The following PTPRM variants were observed in gnomAD, a reference collection of about 807,000 sequenced individuals.
PTPRM encodes the protein protein tyrosine phosphatase receptor type M.
In PTPRM, 47 loss-of-function variants were observed where a neutral mutation model predicts 186.7. The ratio of observed to expected loss-of-function variants is 0.25; its 90% confidence interval spans 0.20 to 0.32. The LOEUF is 0.32. Among genes scored for constraint, PTPRM ranks in the 10% least tolerant of loss-of-function variants. The pLI is 1.00. For missense variants in PTPRM, 1,494 were observed against 1,865.0 expected (o/e 0.80, Z 3.66); for synonymous variants, 668 against 674.9 (o/e 0.99, Z 0.16).
At chr18:8,278,837 G>C (rs945995718) in intron 19 of PTPRM, among the ~76,000 whole-genome samples, 2 of 152,088 alleles carry the variant, frequency 1.3e-5, no homozygotes, top group African/African-American at 4.8e-5. Flanking sequence ...TTGTTGTCTT[G>C]ACTTGTTTTT....
intron 9 of PTPRM, among the ~76,000 whole-genome samples, chr18:8,082,495 C>T (rs1159102729): frequency 6.8e-6 from 1 of 146,618 alleles, no homozygotes; most frequent in Non-Finnish European, 1.5e-5. Context: ...CCTTTTCTCC[C>T]TCCTTCTCTC....
At chr18:8,319,136 C>T (rs780142601) in intron 21 of PTPRM, 42 bp from the exon 22 acceptor site, 10 of 1,351,326 alleles carry the variant, frequency 7.4e-6, no homozygotes, top group African/African-American at 1.5e-5. Context: ...TGCTGTTTAT[C>T]GATTTTATGT....
At chr18:7,935,755 G>A (rs10153443) in intron 5 of PTPRM, among the ~76,000 whole-genome samples, 24,223 of 152,094 alleles carry the variant, frequency 0.16, 2,127 homozygotes, top group Non-Finnish European at 0.19. Context: ...GTGTACAAGT[G>A]GTTTTGTCAC....
intron 13 of PTPRM, among the ~76,000 whole-genome samples, chr18:8,132,869 G>C (rs1568395586): frequency 6.6e-6 from 1 of 152,102 alleles, no homozygotes; most frequent in Non-Finnish European, 1.5e-5. Flanking sequence ...TATCATTGAT[G>C]AAAGTTTGGC....
intron 7 of PTPRM, among the ~76,000 whole-genome samples, chr18:8,001,903 C>T (rs1599977237): frequency 1.3e-5 from 2 of 152,320 alleles, no homozygotes; most frequent in South Asian, 2.1e-4. Flanking sequence ...TCTAGCACAA[C>T]ATTCACTGTC....
intron 7 of PTPRM, among the ~76,000 whole-genome samples, chr18:8,035,618 G>T (rs982990907): frequency 5.3e-5 from 8 of 151,374 alleles, no homozygotes; most frequent in African/African-American, 9.8e-5. Flanking sequence ...GGTTGAATCC[G>T]CAGATGCAGA....
chr18:7,998,655 AT>A (rs952987341), intron 7 of PTPRM, among the ~76,000 whole-genome samples: 214 of 151,658 alleles, frequency 1.4e-3, no homozygotes, highest in African/African-American at 4.9e-3. Context: ...TTTATACAAC[AT>A]TTTTTTTTAT....
At chr18:8,125,241 T>G (rs2092302452) in intron 13 of PTPRM, among the ~76,000 whole-genome samples, 2 of 151,682 alleles carry the variant, frequency 1.3e-5, no homozygotes, top group South Asian at 4.2e-4. Context: ...CATAAATATT[T>G]CTTGACTGAG....
chr18:8,391,522 A>G (rs2095812573), intron 31 of PTPRM, among the ~76,000 whole-genome samples: 1 of 152,204 alleles, frequency 6.6e-6, no homozygotes, highest in Admixed American at 6.5e-5. Context: ...ATTTACACAA[A>G]GCTGAAAAAC....
intron 23 of PTPRM, among the ~76,000 whole-genome samples, chr18:8,362,994 C>T (rs933333127): frequency 1.3e-5 from 2 of 152,186 alleles, no homozygotes; most frequent in African/African-American, 4.8e-5. Context: ...ACACATCTGT[C>T]TCTTAGTGAC....
intron 2 of PTPRM, among the ~76,000 whole-genome samples, chr18:7,774,832 T>C (rs9949027): frequency 0.18 from 28,064 of 152,168 alleles, 6,590 homozygotes; most frequent in African/African-American, 0.56. Context: ...AAAAAGAATT[T>C]TACTTCTTGT....
intron 7 of PTPRM, among the ~76,000 whole-genome samples, chr18:8,037,762 G>A (rs1228927854): frequency 6.6e-6 from 1 of 151,996 alleles, no homozygotes; most frequent in Non-Finnish European, 1.5e-5. Context: ...TTGGGTGGTA[G>A]AACTCTGCTA....
chr18:8,140,281 C>T (rs948485352), intron 13 of PTPRM, among the ~76,000 whole-genome samples: 4 of 152,046 alleles, frequency 2.6e-5, no homozygotes, highest in African/African-American at 9.7e-5. Flanking sequence ...CAAAATTGGG[C>T]CCAGACCTCA....
chr18:7,713,233 G>T (rs2040249997), intron 1 of PTPRM, among the ~76,000 whole-genome samples: 1 of 152,114 alleles, frequency 6.6e-6, no homozygotes, highest in African/African-American at 2.4e-5. Flanking sequence ...CTTAAGAAAA[G>T]AATTTTCAAC....
chr18:7,917,556 T>C (rs887136774), intron 4 of PTPRM, among the ~76,000 whole-genome samples: 9 of 152,108 alleles, frequency 5.9e-5, no homozygotes, highest in South Asian at 2.1e-4. Context: ...TACTTTTTTA[T>C]TGATACATAA....
At chr18:8,334,976 GC>G (rs1157434551) in intron 22 of PTPRM, among the ~76,000 whole-genome samples, 6 of 152,074 alleles carry the variant, frequency 3.9e-5, no homozygotes, top group African/African-American at 1.4e-4. Flanking sequence ...CAGTACAGGT[GC>G]CCCCCGTAGA....
At chr18:7,851,033 T>A (rs376406957) in intron 2 of PTPRM, among the ~76,000 whole-genome samples, 1 of 152,126 alleles carries the variant, frequency 6.6e-6, no homozygotes, top group African/African-American at 2.4e-5. Flanking sequence ...ACTAATTCTG[T>A]TAAAAAGTGA....
chr18:7,586,516 A>G (rs951783243), intron 1 of PTPRM, among the ~76,000 whole-genome samples: 1 of 152,148 alleles, frequency 6.6e-6, no homozygotes, highest in Non-Finnish European at 1.5e-5. Context: ...TGGGAGCAAA[A>G]CCAGGGCTAG....
intron 14 of PTPRM, among the ~76,000 whole-genome samples, chr18:8,150,567 T>TA (rs1482972450): frequency 1.3e-5 from 2 of 152,204 alleles, no homozygotes; most frequent in African/African-American, 4.8e-5. Context: ...TCAAGGTTCT[T>TA]AGCTTCCTTG....
Sources: allele counts gnomAD v4.1 joint callset (sites outside exome capture counted in the v4.1 genomes callset), GRCh38; gene constraint gnomAD v4.1.1; transcripts MANE v1.5; gene names NCBI Gene and HGNC (gene_info 2026-07-23, HGNC 2026-07-21).